Variants in GSPT1 observed in about 807,000 individuals in gnomAD.
GSPT1 encodes the protein G1 to S phase transition 1.
In GSPT1, 20 loss-of-function variants were observed where a neutral mutation model predicts 72.5. That is an observed-to-expected ratio of 0.28 (90% CI 0.19 to 0.40). GSPT1 has a LOEUF of 0.40. GSPT1 is among the 10% of genes least tolerant of loss of function. The pLI, the probability that GSPT1 is intolerant of heterozygous loss-of-function variation, is 1.00. For missense variants in GSPT1, 580 were observed against 811.9 expected (o/e 0.71, Z 3.47); for synonymous variants, 334 against 293.5 (o/e 1.14, Z -1.41).
At chr16:11,912,485 G>A (rs1002733837) in intron 1 of GSPT1, among the ~76,000 whole-genome samples, 3 of 152,102 alleles carry the variant, frequency 2.0e-5, no homozygotes, top group Non-Finnish European at 4.4e-5. Flanking sequence ...TGGAGACAGT[G>A]CCTCCTCCAA....
intron 10 of GSPT1, 39 bp downstream of exon 10, chr16:11,885,142 C>T (rs1264336183): frequency 1.1e-6 from 1 of 899,092 alleles, no homozygotes; most frequent in Non-Finnish European, 1.9e-6. Context: ...CAATGATTTC[C>T]CCTCCCAGGA....
In GSPT1 at chr16:11,871,157, C is replaced by A. The variant is rs2053973704; in HGVS notation, c.*1962G>T. The A allele has an allele frequency of 1.3e-5, 2 of 152,122 alleles. No homozygotes were observed. The highest frequency in any genetic ancestry group is 2.9e-5 in the Non-Finnish European group (2 of 68,020). 9.4% of individuals were successfully genotyped at this position (152,122 alleles called of 1,614,324 possible). On this transcript the variant is annotated 3_prime_UTR_variant, in exon 15 of 15. Transcript: ENST00000434724. ...CAGAGATTTGCAGACATAATAAAAT[C>A]TATTTAAATTTCATGCAATAGCCAT...
At chr16:11,912,945 T>C (rs2054578722) in intron 1 of GSPT1, among the ~76,000 whole-genome samples, 1 of 152,210 alleles carries the variant, frequency 6.6e-6, no homozygotes, top group African/African-American at 2.4e-5. Flanking sequence ...AATCCCAAGG[T>C]CTGACTCTCC....
intron 4 of GSPT1, among the ~76,000 whole-genome samples, chr16:11,895,818 G>T (rs756593835): frequency 6.6e-5 from 10 of 152,136 alleles, no homozygotes; most frequent in African/African-American, 2.4e-4. Flanking sequence ...GTAGAGACGG[G>T]GTTTCACCAT....
chr16:11,897,781 A>C, intron 3 of GSPT1, 59 bp downstream of exon 3: 1 of 845,820 alleles, frequency 1.2e-6, no homozygotes, highest in South Asian at 1.4e-5. Flanking sequence ...ATGCACCTTA[A>C]ATCTTGAGAG....
At chr16:11,891,502 C>T (rs930357216) in intron 5 of GSPT1, among the ~76,000 whole-genome samples, 1 of 151,368 alleles carries the variant, frequency 6.6e-6, no homozygotes, top group African/African-American at 2.4e-5. Flanking sequence ...GCTGGGATTA[C>T]AGGCACCCAC....
In GSPT1 at chr16:11,898,021, A is replaced by C. The variant is rs1157359760; in HGVS notation, c.367T>G (p.Ser123Ala). The C allele has an allele frequency of 6.5e-7, 1 of 1,545,896 alleles. No individual in the cohort carries two copies. Among genetic ancestry groups the C allele is most frequent in the South Asian group, 1.2e-5 (1 of 84,200 alleles). Residue 123 changes from serine to alanine, a missense_variant, in exon 2 of 15, where the codon TCT becomes GCT. This residue lies in a region of GSPT1 where 327 missense variants were observed against 298.8 expected (regional missense o/e 1.09). Transcript: ENST00000434724. ...AGGRAAPVESSQEEQSLCEGS... is the reference protein window; with the variant it reads ...AGGRAAPVESAQEEQSLCEGS... The stretch of plus-strand genomic sequence containing the variant: ...TCACACAATGACTGTTCCTCTTGAG[A>C]GGATTCCACAGGTGCTGTTTAACAG...
intron 1 of GSPT1, among the ~76,000 whole-genome samples, chr16:11,899,591 G>A (rs149894559): frequency 5.7e-4 from 87 of 152,144 alleles, no homozygotes; most frequent in African/African-American, 2.0e-3. Flanking sequence ...TAACAAACAG[G>A]GGGGAAACGC....
chr16:11,914,636 G>A (rs891992322), intron 1 of GSPT1, among the ~76,000 whole-genome samples: 2 of 152,300 alleles, frequency 1.3e-5, no homozygotes, highest in African/African-American at 2.4e-5. Flanking sequence ...ACGTGTCGCT[G>A]ACAAAGGATA....
chr16:11,913,099 C>G (rs2054581328), intron 1 of GSPT1, among the ~76,000 whole-genome samples: 1 of 152,152 alleles, frequency 6.6e-6, no homozygotes, highest in African/African-American at 2.4e-5. Context: ...CTTTTTGGTT[C>G]CCCCTTTGTA....
At chr16:11,898,557 T>C (rs2054368942) in intron 1 of GSPT1, among the ~76,000 whole-genome samples, 1 of 151,674 alleles carries the variant, frequency 6.6e-6, no homozygotes, top group Admixed American at 6.6e-5. Flanking sequence ...GTTCAAGCGA[T>C]TCTCCTGCCT....
rs569600985 is a variant in GSPT1 at position 11,869,370 on chromosome 16, G to C, written c.*3749C>G. ...AGGATGTACTAGATGGCATCTGCTA[G>C]AATCACTGAAAAAGTTAGCTGCAAG... On this transcript the variant is annotated 3_prime_UTR_variant, in exon 15 of 15. Coordinates refer to ENST00000434724, the MANE Select transcript of GSPT1 (RefSeq NM_002094.4). 2.0e-5 allele frequency: 3 copies of C among 152,334 alleles called. No homozygotes were observed. The highest frequency in any genetic ancestry group is 7.2e-5 in the African/African-American group (3 of 41,580). The allele number at this position is 152,334 out of a possible 1,614,324, so 9.4% of individuals were successfully genotyped here.
At chr16:11,876,038 A>G (rs754881584) in intron 13 of GSPT1, 48 bp downstream of exon 13, 1 of 1,461,120 alleles carries the variant, frequency 6.8e-7, no homozygotes, top group Non-Finnish European at 9.6e-7. Context: ...GAAATTATGA[A>G]GATAAAACAG....
At chr16:11,874,554 TTCTG>T (rs1462179817) in intron 14 of GSPT1, among the ~76,000 whole-genome samples, 1 of 151,728 alleles carries the variant, frequency 6.6e-6, no homozygotes, top group Non-Finnish European at 1.5e-5. Flanking sequence ...ATTGCTTTTC[TTCTG>T]TCTTCCTGAT....
intron 14 of GSPT1, among the ~76,000 whole-genome samples, chr16:11,873,886 G>A (rs536003466): frequency 5.9e-5 from 9 of 152,302 alleles, no homozygotes; most frequent in Admixed American, 3.3e-4. Flanking sequence ...ACCACACTGG[G>A]CCAAAAAACC....
chr16:11,915,931 C>A lies in GSPT1; in HGVS notation c.-211G>T. ...GACAGAGGCGGCGGCGGCGGCAGCT[C>A]AACCCTCCTCCTCGTGTGTGTGAGC... is the stretch of plus-strand genomic sequence containing the variant. On this transcript the variant is annotated 5_prime_UTR_variant, in exon 1 of 15. Coordinates refer to ENST00000434724, the MANE Select transcript of GSPT1 (RefSeq NM_002094.4). 1.3e-6 allele frequency: 1 copy of A among 759,114 alleles called. No individual in the cohort carries two copies. Among genetic ancestry groups the A allele is most frequent in the South Asian group, 1.4e-5 (1 of 74,018 alleles). 47.0% of individuals were successfully genotyped at this position (759,114 alleles called of 1,614,324 possible).
chr16:11,906,962 A>G (rs1019864687), intron 1 of GSPT1, among the ~76,000 whole-genome samples: 1 of 152,226 alleles, frequency 6.6e-6, no homozygotes, highest in Non-Finnish European at 1.5e-5. Flanking sequence ...AAAAGCAAAC[A>G]CCAGAAAGAA....
rs200087379 is a variant in GSPT1, at chr16:11,887,798, T to G, written c.777-48A>C. 5.2e-4 allele frequency: 647 copies of G among 1,247,964 alleles called. 4 individuals are homozygous for G. The highest frequency in any genetic ancestry group is 2.3e-3 in the South Asian group (175 of 74,804). The allele number at this position is 1,247,964 out of a possible 1,614,324, so 77.3% of individuals were successfully genotyped here. ...AACAATATTCCTAAGAACATCAGAG[T>G]TTTTAGGATATTCTTCACCATTAAA... On this transcript the variant is annotated intron_variant, in intron 6 of 14. Coordinates refer to ENST00000434724, the MANE Select transcript of GSPT1 (RefSeq NM_002094.4).
intron 11 of GSPT1, chr16:11,880,395 TA>T (rs1191717367): frequency 2.6e-5 from 4 of 152,368 alleles, no homozygotes; most frequent in African/African-American, 9.6e-5. Flanking sequence ...GGAACTGCTA[TA>T]TTTTTTCACG....
Sources: allele counts gnomAD v4.1 joint callset (sites outside exome capture counted in the v4.1 genomes callset), GRCh38; gene constraint gnomAD v4.1.1; regional missense constraint gnomAD v4.1.1; transcripts MANE v1.5; gene names NCBI Gene and HGNC (gene_info 2026-07-23, HGNC 2026-07-21).